The following SLFN5 variants were observed in gnomAD, a reference collection of about 807,000 sequenced individuals.
SLFN5 encodes schlafen family member 5.
Under a neutral mutation model 48.5 loss-of-function variants are expected in SLFN5, and 34 were observed. The observed-to-expected ratio is 0.70, with a 90% CI of 0.53 to 0.93. SLFN5 has a LOEUF of 0.93. Among genes scored for constraint, SLFN5 ranks in the 40% least tolerant of loss-of-function variants. SLFN5 has a pLI of 0.00. For synonymous variants in SLFN5, 387 were observed against 396.2 expected (o/e 0.98, Z 0.28); for missense variants, 1,006 against 1,071.3 (o/e 0.94, Z 0.85).
intron 1 of SLFN5, among the ~76,000 whole-genome samples, chr17:35,252,608 A>G (rs977900894): frequency 7.0e-6 from 1 of 142,688 alleles, no homozygotes; most frequent in Admixed American, 6.9e-5. Flanking sequence ...TTTAATTATG[A>G]TGTTCCTCAG....
rs759937729 is a variant in SLFN5 at position 35,273,523 on chromosome 17, TG to T, written c.*7639del. ...ATAATGAATAATGATGTGTGGAGAG[TG>T]GGGAGGGTTTACATATGAAAAATGT... On this transcript the variant is annotated 3_prime_UTR_variant, in exon 5 of 5. Transcript: ENST00000299977. 9 of 152,104 alleles carry T rather than the reference TG, an allele frequency of 5.9e-5. No homozygotes were observed. The highest frequency in any genetic ancestry group is 1.3e-4 in the Non-Finnish European group (9 of 68,028). The allele number at this position is 152,104 out of a possible 1,614,324, so 9.4% of individuals were successfully genotyped here.
Position 35,261,027 on chromosome 17 carries a change from C to T in SLFN5, c.1069C>T (p.Arg357Cys), listed in dbSNP as rs138179907. ...GTTGAGTTTGTCATCTGCCACGCCC[C>T]GCAGCAAGCCTGTGTGCATTCATAA... ...LQLSLSSATPRSKPVCIHKNS... is the reference protein window; with the variant it reads ...LQLSLSSATPCSKPVCIHKNS... Residue 357 changes from arginine (R) to cysteine (C), a missense_variant, in exon 3 of 5, where the codon CGC (arginine) becomes TGC (cysteine). Physicochemically the swap from Arg to Cys is radical, Grantham distance 180. Coordinates refer to ENST00000299977, the MANE Select transcript of SLFN5 (RefSeq NM_144975.4). 3.8e-5 allele frequency: 62 copies of T among 1,613,964 alleles called. No homozygotes were observed. In the African/African-American group the frequency reaches 5.9e-4, roughly 15 times the overall value.
At chr17:35,260,594 C>T (rs974446154) in intron 2 of SLFN5, among the ~76,000 whole-genome samples, 4 of 151,988 alleles carry the variant, frequency 2.6e-5, no homozygotes, top group Non-Finnish European at 4.4e-5. Flanking sequence ...GATGTGGTGA[C>T]GCACGCCTGT....
rs1339095411 is a variant in SLFN5, at chr17:35,267,822, TAAAG to T, written c.*1938_*1941del. ...AGTGTAGTCATGAATAGATGTCACA[TAAAG>T]AAAAGAAAACCAGAATTCTTGTTAA... On this transcript the variant is annotated 3_prime_UTR_variant, in exon 5 of 5. Coordinates refer to ENST00000299977, the MANE Select transcript of SLFN5 (RefSeq NM_144975.4). The T allele has an allele frequency of 6.6e-6, 1 of 152,182 alleles. No homozygotes were observed. Among genetic ancestry groups the T allele is most frequent in the African/African-American group, 2.4e-5 (1 of 41,438 alleles). The allele number at this position is 152,182 out of a possible 1,614,324, so 9.4% of individuals were successfully genotyped here.
At position 35,258,823 on chromosome 17, in the gene SLFN5, C is replaced by CG; in HGVS notation, c.134dup (p.Ala46SerfsTer16). On this transcript the variant is annotated frameshift_variant, in exon 2 of 5. Transcript: ENST00000299977. LOFTEE classifies it high-confidence loss of function. ...GGAGAAACAGAATGAAATCATCCTG[C>CG]GAGCAGTATGTGCTCTGCTGAATTC... 6.2e-7 allele frequency: 1 copy of CG among 1,614,112 alleles called. No individual in the cohort carries two copies. Among genetic ancestry groups the CG allele is most frequent in the Non-Finnish European group, 8.5e-7 (1 of 1,180,014 alleles).
In SLFN5 at chr17:35,265,963, T is replaced by C. The variant is rs1597656734; in HGVS notation, c.*75T>C. The C allele has an allele frequency of 7.0e-7, 1 of 1,425,382 alleles. No individual in the cohort carries two copies. Among genetic ancestry groups the C allele is most frequent in the East Asian group, 2.3e-5 (1 of 43,680 alleles). The allele number at this position is 1,425,382 out of a possible 1,614,324, so 88.3% of individuals were successfully genotyped here. A position where few individuals can be genotyped will look rare whatever the true frequency, so the allele number is the denominator to read the frequency against. Reference sequence around the variant, plus strand: ...ACTGTGAAACCATTTAATCCAAACATGTAAGCACACACTCACTTATTAAGT... The same window carrying C: ...ACTGTGAAACCATTTAATCCAAACACGTAAGCACACACTCACTTATTAAGT... On this transcript the variant is annotated 3_prime_UTR_variant, in exon 5 of 5. Transcript: ENST00000299977.
At chr17:35,245,211 G>A (rs556416864) in intron 1 of SLFN5, among the ~76,000 whole-genome samples, 67 of 152,326 alleles carry the variant, frequency 4.4e-4, no homozygotes, top group African/African-American at 1.6e-3. Flanking sequence ...CACTACTCTG[G>A]AGATTTGGGG....
chr17:35,258,912 A>G lies in SLFN5; in HGVS notation c.222A>G (p.Val74=). 6.2e-7 allele frequency: 1 copy of G among 1,614,248 alleles called. No individual in the cohort carries two copies. Among genetic ancestry groups the G allele is most frequent in the East Asian group, 2.2e-5 (1 of 44,890 alleles). ...GCTACAATTATGAACGTCATGGAGTAGGATTGGATGTGCCTCCAATTTTCA... is the reference window on the plus strand; with the variant it reads ...GCTACAATTATGAACGTCATGGAGTGGGATTGGATGTGCCTCCAATTTTCA... The part of the protein sequence containing the change: ...NKGYNYERHG[V]GLDVPPIFRS... Residue 74 remains valine, a synonymous_variant, in exon 2 of 5, where the codon GTA becomes GTG. Coordinates refer to ENST00000299977, the MANE Select transcript of SLFN5 (RefSeq NM_144975.4).
At chr17:35,245,303 G>C (rs2092428234) in intron 1 of SLFN5, among the ~76,000 whole-genome samples, 1 of 152,204 alleles carries the variant, frequency 6.6e-6, no homozygotes, top group Admixed American at 6.5e-5. Flanking sequence ...AAGTGACTAA[G>C]GGCTAGTAGC....
intron 4 of SLFN5, 40 bp from the exon 5 acceptor site, chr17:35,265,031 CT>C (rs756331625): frequency 6.4e-7 from 1 of 1,570,866 alleles, no homozygotes; most frequent in South Asian, 1.2e-5. Flanking sequence ...AATCTGCTTT[CT>C]TTGTTTCATT....
At position 35,272,714 on chromosome 17, in the gene SLFN5, A is replaced by G. The variant is rs1052999273; in HGVS notation, c.*6826A>G. ...CTAAGGTCTCAAAGGAAAAATGAGC[A>G]AAGGATTTGACAGGTGGTAGAATAC... On this transcript the variant is annotated 3_prime_UTR_variant, in exon 5 of 5. Transcript: ENST00000299977. 1.3e-5 allele frequency: 2 copies of G among 152,256 alleles called. No homozygotes were observed. Among genetic ancestry groups the G allele is most frequent in the East Asian group, 3.8e-4 (2 of 5,206 alleles). The allele number at this position is 152,256 out of a possible 1,614,324, so 9.4% of individuals were successfully genotyped here. A position where few individuals can be genotyped will look rare whatever the true frequency, so the allele number is the denominator to read the frequency against.
chr17:35,265,166 C>G lies in SLFN5; in HGVS notation c.1954C>G (p.Gln652Glu). The G allele has an allele frequency of 6.2e-7, 1 of 1,614,182 alleles. No homozygotes were observed. Among genetic ancestry groups the G allele is most frequent in the Non-Finnish European group, 8.5e-7 (1 of 1,180,032 alleles). ...CCAGCACATTATCATTGATGACGCT[C>G]AGAATTTCCGTACTGAAGATGGGGA... ...HIQHIIIDDA[Q>E]NFRTEDGDWY... Residue 652 changes from glutamine to glutamate, a missense_variant, in exon 5 of 5, where the codon CAG (glutamine) becomes GAG (glutamate). Gln to Glu is a conservative substitution (Grantham distance 29, BLOSUM62 2). Coordinates refer to ENST00000299977, the MANE Select transcript of SLFN5 (RefSeq NM_144975.4).
chr17:35,264,854 G>T lies in SLFN5; in HGVS notation c.1810G>T (p.Ala604Ser). The change falls in exon 4 of 5, where the codon GCT (alanine) becomes TCT (serine). Residue 604 changes from alanine (A) to serine (S), a missense_variant. By Grantham distance (99) the Ala-to-Ser change is moderately conservative. Coordinates refer to ENST00000299977, the MANE Select transcript of SLFN5 (RefSeq NM_144975.4). Reference protein sequence around the residue: ...KIRNVFHCEPANILYICENQP... With the variant: ...KIRNVFHCEPSNILYICENQP... Reference sequence around the variant, plus strand: ...CAGGAATGTGTTTCACTGTGAACCGGCTAACATTCTCTACATCTGTGAAAA... The same window carrying T: ...CAGGAATGTGTTTCACTGTGAACCGTCTAACATTCTCTACATCTGTGAAAA... 6.3e-7 allele frequency: 1 copy of T among 1,590,154 alleles called. No individual in the cohort carries two copies. The highest frequency in any genetic ancestry group is 8.5e-7 in the Non-Finnish European group (1 of 1,171,156).
intron 3 of SLFN5, among the ~76,000 whole-genome samples, chr17:35,261,909 C>T (rs899254998): frequency 5.5e-5 from 8 of 144,440 alleles, no homozygotes; most frequent in South Asian, 4.6e-4. Flanking sequence ...AAACTTCTGA[C>T]GTCAGGTAAT....
At chr17:35,259,836 C>T (rs573551163) in intron 2 of SLFN5, 134 bp downstream of exon 2, 7 of 1,018,130 alleles carry the variant, frequency 6.9e-6, no homozygotes, top group Middle Eastern at 6.1e-4. Context: ...AATTGTCTGA[C>T]TTATTAATCC....
chr17:35,252,759 A>G (rs2092445303), intron 1 of SLFN5, among the ~76,000 whole-genome samples: 1 of 151,968 alleles, frequency 6.6e-6, no homozygotes, highest in South Asian at 2.1e-4. Flanking sequence ...AGTCCCTAGT[A>G]CTTTATTCTG....
At position 35,264,168 on chromosome 17, in the gene SLFN5, C is replaced by T. The variant is rs1904603813; in HGVS notation, c.1139-15C>T. On this transcript the variant is annotated splice_polypyrimidine_tract_variant and intron_variant, in intron 3 of 4. Transcript: ENST00000299977. ...TGAGGCTTTTCTAATTTCTTCCCAT[C>T]CTTTCCCTGTCTAGTATTTTCAGAC... The T allele has an allele frequency of 1.3e-6, 2 of 1,555,504 alleles. No individual in the cohort carries two copies. The highest frequency in any genetic ancestry group is 1.7e-6 in the Non-Finnish European group (2 of 1,157,526).
intron 1 of SLFN5, among the ~76,000 whole-genome samples, chr17:35,247,691 C>CT (rs2092433900): frequency 6.6e-6 from 1 of 152,188 alleles, no homozygotes; most frequent in South Asian, 2.1e-4. Context: ...TTTTGGCTCT[C>CT]TTTTTTGTGT....
Position 35,271,592 on chromosome 17 carries a change from T to C in SLFN5, c.*5704T>C, listed in dbSNP as rs1310364545. The C allele has an allele frequency of 6.6e-6, 1 of 152,124 alleles. No individual in the cohort carries two copies. The highest frequency in any genetic ancestry group is 1.5e-5 in the Non-Finnish European group (1 of 68,000). The allele number at this position is 152,124 out of a possible 1,614,324, so 9.4% of individuals were successfully genotyped here. Reference sequence around the variant, plus strand: ...AAACTAAAGAGCACAAAAAAGAACTTAAACAGATAAAAAGCAGACCACGTT... The same window carrying C: ...AAACTAAAGAGCACAAAAAAGAACTCAAACAGATAAAAAGCAGACCACGTT... On this transcript the variant is annotated 3_prime_UTR_variant, in exon 5 of 5. Coordinates refer to ENST00000299977, the MANE Select transcript of SLFN5 (RefSeq NM_144975.4).
Sources: allele counts gnomAD v4.1 joint callset (sites outside exome capture counted in the v4.1 genomes callset), GRCh38; gene constraint gnomAD v4.1.1; transcripts MANE v1.5; gene names NCBI Gene and HGNC (gene_info 2026-07-23, HGNC 2026-07-21).